The following MIPOL1 variants were observed in gnomAD, a reference collection of about 807,000 sequenced individuals.
MIPOL1 encodes mirror-image polydactyly gene 1 protein.
A neutral mutation model predicts 60.9 loss-of-function variants in MIPOL1; 57 were observed. The ratio of observed to expected loss-of-function variants is 0.94; its 90% CI spans 0.76 to 1.17. MIPOL1 has a LOEUF of 1.17. MIPOL1 is among the 50% of genes most tolerant of loss of function. MIPOL1 has a pLI of 0.00. For missense variants in MIPOL1, 551 were observed against 511.6 expected (o/e 1.08, Z -0.74); for synonymous variants, 179 against 168.8 (o/e 1.06, Z -0.47).
intron 3 of MIPOL1, 73 bp from the exon 4 acceptor site, chr14:37,266,865 T>A (rs2082913184): frequency 9.8e-7 from 1 of 1,015,634 alleles, no homozygotes; most frequent in African/African-American, 1.6e-5. Context: ...CAAAAATATT[T>A]ATTTGACTGA....
Position 37,356,143 on chromosome 14 carries a change from C to T in MIPOL1, c.829-13374C>T, listed in dbSNP as rs180960200. On this transcript the variant is annotated intron_variant, in intron 9 of 12. Transcript: ENST00000684589. ...TTCTAACAGACAGGACCCTCAGCTGCAGGTCTGTTGGAATACCCTGCTGTG... is the reference window on the plus strand; with the variant it reads ...TTCTAACAGACAGGACCCTCAGCTGTAGGTCTGTTGGAATACCCTGCTGTG... 6.6e-4 allele frequency among the ~76,000 whole-genome samples: 100 copies of T among 151,194 alleles called. 1 individual carries two copies. Among genetic ancestry groups the T allele is most frequent in the African/African-American group, 2.4e-3 (98 of 41,208 alleles).
chr14:37,228,889 T>C (rs1209894990), intron 1 of MIPOL1, among the ~76,000 whole-genome samples: 1 of 152,122 alleles, frequency 6.6e-6, no homozygotes, highest in Non-Finnish European at 1.5e-5. Flanking sequence ...GCCAGGAGTT[T>C]GAGACCAGCC....
intron 9 of MIPOL1, among the ~76,000 whole-genome samples, chr14:37,359,429 A>C (rs764438018): frequency 1.5e-4 from 23 of 152,266 alleles, no homozygotes; most frequent in Non-Finnish European, 2.9e-4. Context: ...CTTGGGCAGT[A>C]TGGCCATTTT....
chr14:37,382,239 G>T (rs1461887414), intron 10 of MIPOL1, among the ~76,000 whole-genome samples: 1 of 151,968 alleles, frequency 6.6e-6, no homozygotes, highest in Non-Finnish European at 1.5e-5. Context: ...TTGATGAATT[G>T]CAGTGTAGTA....
intron 9 of MIPOL1, among the ~76,000 whole-genome samples, chr14:37,349,437 C>T (rs1157254618): frequency 2.6e-5 from 4 of 152,142 alleles, no homozygotes; most frequent in Non-Finnish European, 5.9e-5. Flanking sequence ...CTCTGCTGTC[C>T]TCATCTCCCA....
At chr14:37,472,582 T>G (rs573999626) in intron 11 of MIPOL1, among the ~76,000 whole-genome samples, 1 of 152,316 alleles carries the variant, frequency 6.6e-6, no homozygotes, top group Admixed American at 6.5e-5. Context: ...TATTTTTAAC[T>G]AAGTGTCTTC....
At chr14:37,490,266 C>T (rs1416747085) in intron 11 of MIPOL1, among the ~76,000 whole-genome samples, 1 of 152,154 alleles carries the variant, frequency 6.6e-6, no homozygotes, top group African/African-American at 2.4e-5. Context: ...GTAAAACTGC[C>T]TACTCAAGCC....
At chr14:37,475,110 A>T (rs1276831806) in intron 11 of MIPOL1, among the ~76,000 whole-genome samples, 4 of 151,966 alleles carry the variant, frequency 2.6e-5, no homozygotes, top group Non-Finnish European at 5.9e-5. Flanking sequence ...GACTACAGGC[A>T]TGCACCATCA....
chr14:37,499,973 A>G lies in MIPOL1; in HGVS notation c.1097A>G (p.Tyr366Cys). The change falls in exon 12 of 13, where the codon TAT becomes TGT. Residue 366 changes from tyrosine to cysteine, a missense_variant. Transcript: ENST00000684589. Reference protein sequence around the residue: ...KDQFNYTLSTYEEALKNRENI... With the variant: ...KDQFNYTLSTCEEALKNRENI... ...CAGTTTAACTATACCCTTAGTACAT[A>G]TGAAGAAGCTTTAAAAAACAGAGAG... The G allele has an allele frequency of 1.9e-6, 3 of 1,613,196 alleles. No individual in the cohort carries two copies. Among genetic ancestry groups the G allele is most frequent in the Non-Finnish European group, 1.7e-6 (2 of 1,179,190 alleles).
intron 11 of MIPOL1, among the ~76,000 whole-genome samples, chr14:37,461,784 A>C (rs144538346): frequency 6.6e-6 from 1 of 152,164 alleles, no homozygotes; most frequent in East Asian, 1.9e-4. Flanking sequence ...CTTTGACTCC[A>C]TGTTTCACAT....
rs751768073 is a variant in MIPOL1, at chr14:37,522,694, G to A, written c.1262+22556G>A. 9.2e-5 allele frequency among the ~76,000 whole-genome samples: 14 copies of A among 152,182 alleles called. No homozygotes were observed. In the Middle Eastern group the frequency reaches 0.014, roughly 150 times the overall value. On this transcript the variant is annotated intron_variant, in intron 12 of 12. Coordinates refer to ENST00000684589, the MANE Select transcript of MIPOL1 (RefSeq NM_001388067.1). Reference sequence around the variant, plus strand: ...CATGAATCCAAAAAAAGTATGTTGTGATTATATTGACTCTGAAAACGTTTG... The same window carrying A: ...CATGAATCCAAAAAAAGTATGTTGTAATTATATTGACTCTGAAAACGTTTG...
intron 10 of MIPOL1, among the ~76,000 whole-genome samples, chr14:37,387,888 A>G (rs1157920962): frequency 1.3e-5 from 2 of 151,870 alleles, no homozygotes; most frequent in Non-Finnish European, 2.9e-5. Context: ...AACTTCTAAG[A>G]TCCAAAAGAT....
intron 11 of MIPOL1, among the ~76,000 whole-genome samples, chr14:37,445,714 C>G (rs1277865199): frequency 3.3e-5 from 5 of 151,634 alleles, no homozygotes; most frequent in African/African-American, 1.2e-4. Flanking sequence ...GGTACTGGTA[C>G]CAAAACAGAG....
At chr14:37,508,260 C>G (rs117732938) in intron 12 of MIPOL1, among the ~76,000 whole-genome samples, 1 of 152,212 alleles carries the variant, frequency 6.6e-6, no homozygotes, top group East Asian at 1.9e-4. Context: ...TTCTTCACAA[C>G]GAAATTTCTT....
intron 11 of MIPOL1, among the ~76,000 whole-genome samples, chr14:37,478,801 G>C (rs538335641): frequency 1.5e-4 from 23 of 152,070 alleles, no homozygotes; most frequent in Admixed American, 1.2e-3. Context: ...GTAAAAAATA[G>C]GAAATTATAA....
intron 1 of MIPOL1, among the ~76,000 whole-genome samples, chr14:37,225,431 A>G (rs1466159091): frequency 6.6e-6 from 1 of 152,174 alleles, no homozygotes; most frequent in Non-Finnish European, 1.5e-5. Context: ...CCAAACCCCA[A>G]TACTTGACTT....
chr14:37,295,578 A>G (rs1021077585), intron 7 of MIPOL1, among the ~76,000 whole-genome samples: 3 of 152,168 alleles, frequency 2.0e-5, no homozygotes, highest in African/African-American at 7.2e-5. Flanking sequence ...GCAGAGACAC[A>G]CATAGGCTCA....
chr14:37,349,063 A>G (rs181707880), intron 9 of MIPOL1, among the ~76,000 whole-genome samples: 193 of 132,260 alleles, frequency 1.5e-3, no homozygotes, highest in African/African-American at 5.5e-3. Flanking sequence ...ATCTCGGCTC[A>G]CTGCAGTCTC....
intron 9 of MIPOL1, among the ~76,000 whole-genome samples, chr14:37,338,077 T>C (rs909616272): frequency 2.0e-5 from 3 of 151,496 alleles, no homozygotes; most frequent in Non-Finnish European, 4.4e-5. Flanking sequence ...GTCTTTTGCA[T>C]ATGACAGTGG....
Sources: gnomAD v4.1 joint callset for allele counts (sites outside exome capture counted in the v4.1 genomes callset) on GRCh38, gnomAD v4.1.1 for gene constraint, MANE v1.5 for transcripts, NCBI Gene and HGNC (gene_info 2026-07-23, HGNC 2026-07-21) for gene names.